Variants in TRMT9B observed in about 807,000 individuals in gnomAD.
TRMT9B encodes the protein probable tRNA methyltransferase 9B.
TRMT9B carries 16 observed loss-of-function variants against 11.5 expected under a neutral mutation model. That is an observed-to-expected ratio of 1.39 (90% CI 0.94 to 2.11). The LOEUF (loss-of-function observed/expected upper bound fraction) is 2.11. Ranked by LOEUF, TRMT9B falls within the 30% of genes most tolerant of loss-of-function variation. TRMT9B has a pLI of 0.00. For missense variants in TRMT9B, 941 were observed against 553.8 expected (o/e 1.70, Z -7.02); for synonymous variants, 274 against 192.4 (o/e 1.42, Z -3.51).
chr8:12,964,612 T>C (rs551085240), intron 1 of TRMT9B, among the ~76,000 whole-genome samples: 68 of 152,324 alleles, frequency 4.5e-4, no homozygotes, highest in Non-Finnish European at 8.7e-4. Flanking sequence ...TCTCTCTCTG[T>C]CACTCAGGCT....
intron 1 of TRMT9B, among the ~76,000 whole-genome samples, chr8:12,971,013 G>A (rs1266800524): frequency 1.3e-5 from 2 of 152,120 alleles, no homozygotes; most frequent in Admixed American, 6.6e-5. Flanking sequence ...TATCATAGTT[G>A]TACATATTTT....
At chr8:13,003,910 A>C (rs1370292147) in intron 2 of TRMT9B, among the ~76,000 whole-genome samples, 1 of 151,190 alleles carries the variant, frequency 6.6e-6, no homozygotes, top group East Asian at 2.0e-4. Flanking sequence ...GAGGGTGAGC[A>C]AGACAGTCTT....
intron 1 of TRMT9B, among the ~76,000 whole-genome samples, chr8:12,982,320 C>T (rs564141316): frequency 1.3e-5 from 2 of 152,296 alleles, no homozygotes; most frequent in East Asian, 3.9e-4. Flanking sequence ...CTTGACAGAC[C>T]AGATTCTACT....
intron 1 of TRMT9B, among the ~76,000 whole-genome samples, chr8:12,979,923 A>G (rs1805080719): frequency 1.3e-5 from 2 of 152,174 alleles, no homozygotes; most frequent in Admixed American, 6.6e-5. Flanking sequence ...TGATCGTCTG[A>G]GAAGGACAAG....
intron 2 of TRMT9B, among the ~76,000 whole-genome samples, chr8:12,992,152 A>C (rs188778639): frequency 1.2e-4 from 19 of 152,264 alleles, no homozygotes; most frequent in Admixed American, 1.0e-3. Context: ...ATCTACAATT[A>C]ATTATTGAGT....
At chr8:12,963,965 A>G (rs560281474) in intron 1 of TRMT9B, among the ~76,000 whole-genome samples, 2 of 152,280 alleles carry the variant, frequency 1.3e-5, no homozygotes, top group South Asian at 4.1e-4. Flanking sequence ...ATTCCCAAAT[A>G]TTTATAAATG....
rs1257555522 is a variant in TRMT9B at position 13,026,556 on chromosome 8, G to A, written c.*4512G>A. 1.2e-5 allele frequency: 2 copies of A among 167,114 alleles called. No individual in the cohort carries two copies. The highest frequency in any genetic ancestry group is 3.9e-4 in the East Asian group (2 of 5,180). The allele number at this position is 167,114 out of a possible 1,614,324, so 10.4% of individuals were successfully genotyped here. ...TGTTTGTTAAAAAAGAGTAATAAAG[G>A]ATTTTTGTTTTTAAAAAAAGCAACG... On this transcript the variant is annotated 3_prime_UTR_variant, in exon 5 of 5. Transcript: ENST00000524591.
At chr8:12,962,892 A>G (rs1039369372) in intron 1 of TRMT9B, among the ~76,000 whole-genome samples, 1 of 152,208 alleles carries the variant, frequency 6.6e-6, no homozygotes, top group Admixed American at 6.5e-5. Flanking sequence ...CTAACAGCTG[A>G]CTGACTTCAC....
intron 2 of TRMT9B, among the ~76,000 whole-genome samples, chr8:13,005,469 G>C (rs1008821187): frequency 2.0e-5 from 3 of 152,138 alleles, no homozygotes; most frequent in Non-Finnish European, 2.9e-5. Context: ...AAGTGCTCGA[G>C]GTGATGAACA....
At chr8:12,951,676 G>T (rs1157509375) in intron 1 of TRMT9B, 1 of 151,952 alleles carries the variant, frequency 6.6e-6, no homozygotes, top group Admixed American at 6.6e-5. Flanking sequence ...GAGCCCGAGC[G>T]CCGCCTCCCG....
chr8:13,010,136 T>TG, intron 3 of TRMT9B: 1 of 415,648 alleles, frequency 2.4e-6, no homozygotes, highest in Non-Finnish European at 3.1e-6. Context: ...AGACCCTATC[T>TG]GAAAAAAAAA....
At chr8:12,947,346 T>C (rs141034047) in intron 1 of TRMT9B, among the ~76,000 whole-genome samples, 16 of 152,322 alleles carry the variant, frequency 1.1e-4, no homozygotes, top group Admixed American at 2.0e-4. Flanking sequence ...TGCATCAAGA[T>C]GTTATCATGC....
chr8:13,022,408 A>G lies in TRMT9B; in HGVS notation c.*364A>G, dbSNP rs1814109892. ...GATTATGCTGTTAAATAATCTTTTA[A>G]AACGGTATTTTTATAAAGTGAGGGG... is the stretch of plus-strand genomic sequence containing the variant. On this transcript the variant is annotated 3_prime_UTR_variant, in exon 5 of 5. Transcript: ENST00000524591. 5.5e-6 allele frequency: 1 copy of G among 182,586 alleles called. No individual in the cohort carries two copies. Among genetic ancestry groups the G allele is most frequent in the Admixed American group, 6.2e-5 (1 of 16,102 alleles). The allele number at this position is 182,586 out of a possible 1,614,324, so 11.3% of individuals were successfully genotyped here. A position where few individuals can be genotyped will look rare whatever the true frequency, so the allele number is the denominator to read the frequency against.
At chr8:13,015,253 TG>T (rs1328841558) in intron 4 of TRMT9B, among the ~76,000 whole-genome samples, 5 of 152,124 alleles carry the variant, frequency 3.3e-5, no homozygotes, top group Admixed American at 2.0e-4. Flanking sequence ...TTCGAAGCAA[TG>T]TTTTTTTAGA....
At chr8:13,002,849 G>A (rs1014768548) in intron 2 of TRMT9B, among the ~76,000 whole-genome samples, 1 of 152,070 alleles carries the variant, frequency 6.6e-6, no homozygotes, top group Non-Finnish European at 1.5e-5. Context: ...AGGGGTAGAG[G>A]TGCGGGGACA....
chr8:12,978,641 C>G (rs1048840807), intron 1 of TRMT9B, among the ~76,000 whole-genome samples: 1 of 152,250 alleles, frequency 6.6e-6, no homozygotes, highest in Non-Finnish European at 1.5e-5. Flanking sequence ...TGTCACTAAC[C>G]AGCCAATATA....
chr8:13,013,091 T>A (rs879323172), intron 4 of TRMT9B, among the ~76,000 whole-genome samples: 4 of 152,244 alleles, frequency 2.6e-5, no homozygotes, highest in African/African-American at 4.8e-5. Flanking sequence ...GCAGTTTTTT[T>A]ATGATTCATT....
intron 3 of TRMT9B, among the ~76,000 whole-genome samples, chr8:13,008,558 A>G (rs1810933476): frequency 6.6e-6 from 1 of 152,326 alleles, no homozygotes. Context: ...ATTAACTGCA[A>G]ATATGGAAGC....
At chr8:13,009,704 T>C (rs1811228908) in intron 3 of TRMT9B, among the ~76,000 whole-genome samples, 1 of 152,184 alleles carries the variant, frequency 6.6e-6, no homozygotes, top group South Asian at 2.1e-4. Context: ...TTTTAATATA[T>C]TGAGGAAATC....
Sources: allele counts gnomAD v4.1 joint callset (sites outside exome capture counted in the v4.1 genomes callset), GRCh38; gene constraint gnomAD v4.1.1; transcripts MANE v1.5; gene names NCBI Gene and HGNC (gene_info 2026-07-23, HGNC 2026-07-21).